Variants in NOSTRIN observed in about 807,000 individuals in gnomAD.
The protein encoded by NOSTRIN is nitric oxide synthase trafficking, also known as BM247 homolog.
A neutral mutation model predicts 59.0 loss-of-function variants in NOSTRIN; 63 were observed. The observed-to-expected ratio is 1.07, with a 90% CI of 0.87 to 1.32. The LOEUF (loss-of-function observed/expected upper bound fraction) is 1.32, where lower values mean the gene tolerates loss of function less well. Among genes scored for constraint, NOSTRIN ranks in the 40% most tolerant of loss-of-function variants. The probability of loss-of-function intolerance (pLI) is 0.00; values close to 1 mark genes in which losing one functional copy is unlikely to be tolerated. For missense variants in NOSTRIN, 512 were observed against 473.1 expected (o/e 1.08, Z -0.76); for synonymous variants, 200 against 165.4 (o/e 1.21, Z -1.61).
upstream of NOSTRIN, among the ~76,000 whole-genome samples, chr2:168,799,888 G>C (rs1042511721): frequency 3.3e-5 from 5 of 152,218 alleles, no homozygotes; most frequent in African/African-American, 1.2e-4. Flanking sequence ...GCCCCTCTCT[G>C]TCTCTATGCC....
At chr2:168,863,751 A>G (rs975035598) in intron 15 of NOSTRIN, 40 of 713,924 alleles carry the variant, frequency 5.6e-5, no homozygotes, top group Non-Finnish European at 6.7e-5. Context: ...ACTGTTGGTG[A>G]GACATACTTA....
chr2:168,842,163 G>T (rs1688146014), intron 7 of NOSTRIN, among the ~76,000 whole-genome samples: 1 of 152,174 alleles, frequency 6.6e-6, no homozygotes, highest in African/African-American at 2.4e-5. Context: ...AAGAGGTTCT[G>T]GTTTCTGTGA....
At chr2:168,864,754 C>A (rs1469847037) in intron 15 of NOSTRIN, 80 bp from the exon 16 acceptor site, 15 of 1,515,342 alleles carry the variant, frequency 9.9e-6, no homozygotes, top group Non-Finnish European at 1.3e-5. Flanking sequence ...TGAAGCAGAA[C>A]CTCCTTAAAA....
intron 2 of NOSTRIN, among the ~76,000 whole-genome samples, chr2:168,788,634 TG>T (rs1685265550): frequency 1.3e-5 from 2 of 151,916 alleles, no homozygotes; most frequent in South Asian, 4.2e-4. Context: ...GTGGAAGCAG[TG>T]GGAGATGGGT....
intron 5 of NOSTRIN, among the ~76,000 whole-genome samples, chr2:168,828,807 A>G (rs1687198622): frequency 6.6e-6 from 1 of 152,114 alleles, no homozygotes; most frequent in Non-Finnish European, 1.5e-5. Flanking sequence ...ATCTTATTGT[A>G]GAAGAATTTA....
At position 168,830,909 on chromosome 2, in the gene NOSTRIN, A is replaced by G. The variant is rs150450833; in HGVS notation, c.343-563A>G. Among the ~76,000 whole-genome samples the G allele has an allele frequency of 9.5e-3, 1,443 of 152,318 alleles. 22 individuals are homozygous for G. The highest frequency in any genetic ancestry group is 0.032 in the African/African-American group (1,351 of 41,572). The stretch of plus-strand genomic sequence containing the variant: ...GTTACACATGATTGCACATGTTTAC[A>G]TGCTTTTTACATTCTTATAGATTAG... On this transcript the variant is annotated intron_variant, in intron 5 of 15. Transcript: ENST00000317647.
chr2:168,818,071 TA>T, intron 2 of NOSTRIN: 1 of 162,196 alleles, frequency 6.2e-6, no homozygotes, highest in East Asian at 1.7e-4. Flanking sequence ...TTGAGGTTAT[TA>T]AAATTCCTTC....
At chr2:168,829,745 G>A (rs1213925385) in intron 5 of NOSTRIN, among the ~76,000 whole-genome samples, 2 of 152,202 alleles carry the variant, frequency 1.3e-5, no homozygotes, top group African/African-American at 4.8e-5. Flanking sequence ...GCTCTGATAG[G>A]GGTGGGGTTA....
At chr2:168,821,655 T>C (rs1409320795) in intron 2 of NOSTRIN, among the ~76,000 whole-genome samples, 3 of 152,228 alleles carry the variant, frequency 2.0e-5, no homozygotes, top group Admixed American at 6.5e-5. Context: ...GATCCTTTTT[T>C]AGACGGGGCA....
intron 1 of NOSTRIN, among the ~76,000 whole-genome samples, chr2:168,806,922 G>A (rs1184595187): frequency 1.3e-5 from 2 of 152,046 alleles, no homozygotes; most frequent in Non-Finnish European, 2.9e-5. Context: ...AACACTTAAA[G>A]GCTACTATAA....
chr2:168,839,842 C>T lies in NOSTRIN; in HGVS notation c.505-3150C>T, dbSNP rs369729432. On this transcript the variant is annotated intron_variant, in intron 7 of 15. Transcript: ENST00000317647. ...CGGAGGTTGTAGTGAGCTGAGATCGCACCACTGTACTCCAGCCTGGCCGAC... is the reference window on the plus strand; with the variant it reads ...CGGAGGTTGTAGTGAGCTGAGATCGTACCACTGTACTCCAGCCTGGCCGAC... 4.3e-5 allele frequency among the ~76,000 whole-genome samples: 6 copies of T among 140,734 alleles called. No individual in the cohort carries two copies. The Admixed American group carries it at 4.4e-4, about 10-fold the overall frequency. The allele number at this position is 140,734 out of a possible 152,430, so 92.3% of individuals were successfully genotyped here.
In NOSTRIN at chr2:168,863,583, C is replaced by CTCCAAATTGATGTTGTAT. The variant is rs1310820711; in HGVS notation, c.1385-1249_1385-1232dup. On this transcript the variant is annotated intron_variant, in intron 15 of 15. Coordinates refer to ENST00000317647, the MANE Select transcript of NOSTRIN (RefSeq NM_001039724.4). ...GAATCATTGCTTTAAAAAATATTGTCTCCAAATTGATGTTGTATTAAAGTT... is the reference window on the plus strand; with the variant it reads ...GAATCATTGCTTTAAAAAATATTGTCTCCAAATTGATGTTGTATTCCAAATTGATGTTGTATTAAAGTT... 51 of 984,890 alleles carry CTCCAAATTGATGTTGTAT rather than the reference C, an allele frequency of 5.2e-5. 1 individual carries two copies. The African/African-American group carries it at 8.0e-4, about 16-fold the overall frequency. The allele number at this position is 984,890 out of a possible 1,614,324, so 61.0% of individuals were successfully genotyped here.
chr2:168,834,501 G>A (rs374191766), intron 7 of NOSTRIN, among the ~76,000 whole-genome samples, 176 bp downstream of exon 7: 5,405 of 110,518 alleles, frequency 0.049, 316 homozygotes, highest in African/African-American at 0.16. Context: ...GCGCGCGCGC[G>A]CGCGCGCACA....
Position 168,857,686 on chromosome 2 carries a change from A to C in NOSTRIN, c.1053+908A>C, listed in dbSNP as rs573448147. 3.3e-5 allele frequency among the ~76,000 whole-genome samples: 5 copies of C among 152,354 alleles called. No individual in the cohort carries two copies. In the South Asian group the frequency reaches 6.2e-4, roughly 19 times the overall value. ...TGGGTTTCTGCTGTGATTAGAGATC[A>C]TGAGTGGACTGGGGTTAATCTGAGA... On this transcript the variant is annotated intron_variant, in intron 12 of 15. Coordinates refer to ENST00000317647, the MANE Select transcript of NOSTRIN (RefSeq NM_001039724.4).
chr2:168,828,298 A>G lies in NOSTRIN; in HGVS notation c.260+78A>G, dbSNP rs1687165372. On this transcript the variant is annotated intron_variant, in intron 4 of 15. Coordinates refer to ENST00000317647, the MANE Select transcript of NOSTRIN (RefSeq NM_001039724.4). ...AAAGTGGGTTTGCTACAAATATTCCACTTCCAACTTGCACTGAATAGGTGT... is the reference window on the plus strand; with the variant it reads ...AAAGTGGGTTTGCTACAAATATTCCGCTTCCAACTTGCACTGAATAGGTGT... 9.2e-6 allele frequency: 8 copies of G among 870,686 alleles called. 2 individuals are homozygous for G. Among genetic ancestry groups the G allele is most frequent in the African/African-American group, 4.9e-5 (3 of 61,394 alleles). 53.9% of individuals were successfully genotyped at this position (870,686 alleles called of 1,614,324 possible). A position where few individuals can be genotyped will look rare whatever the true frequency, so the allele number is the denominator to read the frequency against.
rs1400035855 is a variant in NOSTRIN, at chr2:168,865,112, T to G, written c.*142T>G. 2.7e-5 allele frequency: 23 copies of G among 842,446 alleles called. No homozygotes were observed. The highest frequency in any genetic ancestry group is 5.1e-4 in the Middle Eastern group (2 of 3,942). 52.2% of individuals were successfully genotyped at this position (842,446 alleles called of 1,614,324 possible). A position where few individuals can be genotyped will look rare whatever the true frequency, so the allele number is the denominator to read the frequency against. On this transcript the variant is annotated 3_prime_UTR_variant, in exon 16 of 16. Coordinates refer to ENST00000317647, the MANE Select transcript of NOSTRIN (RefSeq NM_001039724.4). ...ACCTGCATGTCACAGCACTTTGCATTCATGATTATTAGCTTGAAACAGTCA... is the reference window on the plus strand; with the variant it reads ...ACCTGCATGTCACAGCACTTTGCATGCATGATTATTAGCTTGAAACAGTCA...
At chr2:168,849,318 T>C (rs1322282011) in intron 8 of NOSTRIN, among the ~76,000 whole-genome samples, 1 of 152,138 alleles carries the variant, frequency 6.6e-6, no homozygotes, top group African/African-American at 2.4e-5. Context: ...AAAGGATGAA[T>C]GCCCAGGCCT....
upstream of NOSTRIN, among the ~76,000 whole-genome samples, chr2:168,798,881 G>T (rs1040982569): frequency 6.6e-6 from 1 of 152,136 alleles, no homozygotes; most frequent in African/African-American, 2.4e-5. Flanking sequence ...ATGGCTTAGA[G>T]CAGTCTGAGC....
chr2:168,841,227 C>A (rs1419860317), intron 7 of NOSTRIN, among the ~76,000 whole-genome samples: 2 of 126,088 alleles, frequency 1.6e-5, no homozygotes, highest in African/African-American at 3.3e-5. Flanking sequence ...AGAGCCAGAC[C>A]CTGTCTCCAA....
Sources: allele counts gnomAD v4.1 joint callset (sites outside exome capture counted in the v4.1 genomes callset), GRCh38; gene constraint gnomAD v4.1.1; transcripts MANE v1.5; gene names NCBI Gene and HGNC (gene_info 2026-07-23, HGNC 2026-07-21).